ADAMTS9: variants seen among roughly 807,000 people sequenced by gnomAD.
ADAMTS9 encodes A disintegrin and metalloproteinase with thrombospondin motifs 9.
In ADAMTS9, 107 loss-of-function variants were observed where a neutral mutation model predicts 257.1. That is an observed-to-expected ratio of 0.42 (90% CI 0.36 to 0.49). The LOEUF (loss-of-function observed/expected upper bound fraction) is 0.49. Among genes scored for constraint, ADAMTS9 ranks in the 20% least tolerant of loss-of-function variants. The pLI is 0.03. For synonymous variants in ADAMTS9, 982 were observed against 880.9 expected, an observed-to-expected ratio of 1.11 and a Z score of -2.03; for missense variants, 2,353 against 2,469.1, an observed-to-expected ratio of 0.95 and a Z score of 1.00.
chr3:64,611,750 A>C (rs4128220), intron 22 of ADAMTS9, among the ~76,000 whole-genome samples: 2,041 of 152,160 alleles, frequency 0.013, 53 homozygotes, highest in African/African-American at 0.046. Context: ...CTTATCCACC[A>C]CTCAACTGTT....
In ADAMTS9 at chr3:64,687,044, C is replaced by G; in HGVS notation, c.116-76G>C. On this transcript the variant is annotated intron_variant, in intron 1 of 39. Coordinates refer to ENST00000498707, the MANE Select transcript of ADAMTS9 (RefSeq NM_182920.2). The surrounding 1 kb of genome is among the most constrained non-coding windows in gnomAD (Gnocchi z 4.4). The stretch of plus-strand genomic sequence containing the variant: ...CTTTAATTTAAAACGAAGGTGGGGA[C>G]TTTGTTCTGACCTTATTTTCCAGCC... The G allele has an allele frequency of 6.6e-7, 1 of 1,515,564 alleles. No individual in the cohort carries two copies. 93.9% of individuals were successfully genotyped at this position (1,515,564 alleles called of 1,614,324 possible). A position where few individuals can be genotyped will look rare whatever the true frequency, so the allele number is the denominator to read the frequency against.
At chr3:64,590,521 C>G (rs1422274820) in intron 28 of ADAMTS9, among the ~76,000 whole-genome samples, 1 of 152,060 alleles carries the variant, frequency 6.6e-6, no homozygotes, top group African/African-American at 2.4e-5. Flanking sequence ...TCAGAAAATT[C>G]TAGGTGTGGC....
intron 26 of ADAMTS9, 63 bp from the exon 27 acceptor site, chr3:64,597,054 G>A (rs1011095308): frequency 6.3e-7 from 1 of 1,594,848 alleles, no homozygotes; most frequent in African/African-American, 1.3e-5. Context: ...CACAGAAGCA[G>A]CTGGTTGAAA....
At chr3:64,670,720 C>A (rs189114184) in intron 3 of ADAMTS9, among the ~76,000 whole-genome samples, 1 of 152,082 alleles carries the variant, frequency 6.6e-6, no homozygotes, top group Admixed American at 6.6e-5. Context: ...CTTGAACAGA[C>A]GCTTCACCAA....
chr3:64,657,711 A>G (rs1192816155), intron 4 of ADAMTS9, among the ~76,000 whole-genome samples: 3 of 152,120 alleles, frequency 2.0e-5, no homozygotes, highest in Non-Finnish European at 4.4e-5. Context: ...TAATTTAAAT[A>G]CATTTGAAAT....
chr3:64,523,332 T>C (rs1377837170), intron 38 of ADAMTS9, among the ~76,000 whole-genome samples: 2 of 152,216 alleles, frequency 1.3e-5, no homozygotes, highest in Non-Finnish European at 2.9e-5. Context: ...ATCATTTCTT[T>C]GAGGAGAAAA....
chr3:64,642,122 A>C, intron 11 of ADAMTS9, 129 bp from the exon 12 acceptor site: 1 of 1,029,194 alleles, frequency 9.7e-7, no homozygotes, highest in Non-Finnish European at 1.4e-6. Flanking sequence ...CAGGTTCATC[A>C]TCTATATGAA....
intron 3 of ADAMTS9, among the ~76,000 whole-genome samples, chr3:64,669,426 C>T (rs1227508631): frequency 2.6e-5 from 4 of 152,068 alleles, no homozygotes; most frequent in Non-Finnish European, 5.9e-5. Flanking sequence ...AAGTAAGAGG[C>T]CTGTGTTCAA....
chr3:64,596,240 C>G (rs761389234), intron 27 of ADAMTS9, among the ~76,000 whole-genome samples: 3 of 152,182 alleles, frequency 2.0e-5, no homozygotes, highest in Admixed American at 1.3e-4. Context: ...GAGCTGAGAA[C>G]AGGACACGGT....
intron 3 of ADAMTS9, among the ~76,000 whole-genome samples, chr3:64,680,284 C>T (rs1170409644): frequency 3.3e-5 from 5 of 152,104 alleles, no homozygotes; most frequent in Admixed American, 2.6e-4. Flanking sequence ...CCCTGAGATG[C>T]TATTTAATTT....
chr3:64,599,399 T>G (rs879072691), intron 26 of ADAMTS9, among the ~76,000 whole-genome samples: 1 of 152,200 alleles, frequency 6.6e-6, no homozygotes, highest in Admixed American at 6.5e-5. Context: ...GTACTTGAAA[T>G]TTGTCATCCA....
chr3:64,545,043 CA>C (rs1185065376), intron 32 of ADAMTS9, among the ~76,000 whole-genome samples: 1 of 152,096 alleles, frequency 6.6e-6, no homozygotes, highest in Non-Finnish European at 1.5e-5. Context: ...AAAGGCAAAT[CA>C]AAACCACAAT....
intron 28 of ADAMTS9, among the ~76,000 whole-genome samples, chr3:64,578,725 C>T (rs1354421704): frequency 2.0e-5 from 3 of 152,202 alleles, no homozygotes; most frequent in Admixed American, 6.5e-5. Context: ...CCATTTTAAT[C>T]GGTGGCAACT....
Position 64,568,639 on chromosome 3 carries a change from A to C in ADAMTS9, c.4357-104T>G, listed in dbSNP as rs529957386. 9 of 1,343,468 alleles carry C rather than the reference A, an allele frequency of 6.7e-6. No individual in the cohort carries two copies. The East Asian group carries it at 2.1e-4, about 32-fold the overall frequency. 83.2% of individuals were successfully genotyped at this position (1,343,468 alleles called of 1,614,324 possible). On this transcript the variant is annotated intron_variant, in intron 28 of 39. Transcript: ENST00000498707. ...GTTAAGACAATGCCTAACAAGAGTTACCATTCCCCTCTTTTACAGCGCCAG... is the reference window on the plus strand; with the variant it reads ...GTTAAGACAATGCCTAACAAGAGTTCCCATTCCCCTCTTTTACAGCGCCAG...
chr3:64,685,845 C>G (rs1701890326), intron 2 of ADAMTS9, among the ~76,000 whole-genome samples: 1 of 152,106 alleles, frequency 6.6e-6, no homozygotes, highest in Admixed American at 6.5e-5. Flanking sequence ...TCCCACTATC[C>G]CGTTTCTCCC....
In ADAMTS9 at chr3:64,613,437, C is replaced by T; in HGVS notation, c.3262G>A (p.Asp1088Asn). The T allele has an allele frequency of 1.2e-6, 2 of 1,614,042 alleles. No individual in the cohort carries two copies. Among genetic ancestry groups the T allele is most frequent in the Admixed American group, 3.3e-5 (2 of 60,022 alleles). The change falls in exon 22 of 40, where the codon GAT becomes AAT. Residue 1088 changes from aspartate (D) to asparagine (N), a missense_variant. This residue lies in a region of ADAMTS9 where 1,402 missense variants were observed against 1,441.4 expected (regional missense o/e 0.97). Coordinates refer to ENST00000498707, the MANE Select transcript of ADAMTS9 (RefSeq NM_182920.2). ...WCQFGEDRLN[D>N]RMCDPETKPT... ...TTGGTCTCAGGGTCACACATTCTAT[C>T]ATTTAATCGATCTTCACCAAACTGA... is the stretch of plus-strand genomic sequence containing the variant.
At chr3:64,570,695 CAAAAAAAAAAAAAAA>C (rs143048322) in intron 28 of ADAMTS9, among the ~76,000 whole-genome samples, 1 of 47,072 alleles carries the variant, frequency 2.1e-5, no homozygotes, top group South Asian at 1.2e-3. Context: ...GACTCCGTCT[CAAAAAAAAAAAAAAA>C]AAAAAAAAAA....
chr3:64,542,430 C>CTTTCTT (rs56347750), intron 32 of ADAMTS9, among the ~76,000 whole-genome samples: 79,754 of 124,384 alleles, frequency 0.64, 29,899 homozygotes, highest in Non-Finnish European at 0.84. Context: ...TTCTTTCTTT[C>CTTTCTT]TTTTTTTTTT....
At chr3:64,657,499 T>C (rs1701106422) in intron 4 of ADAMTS9, among the ~76,000 whole-genome samples, 1 of 137,840 alleles carries the variant, frequency 7.3e-6, no homozygotes, top group Non-Finnish European at 1.6e-5. Context: ...CCACTACACC[T>C]GGCTAATTGG....
Sources: gnomAD v4.1 joint callset for allele counts (sites outside exome capture counted in the v4.1 genomes callset) on GRCh38, gnomAD v4.1.1 for gene constraint, gnomAD v4.1.1 regional missense constraint, Gnocchi (gnomAD v3.1) non-coding constraint, MANE v1.5 for transcripts, NCBI Gene and HGNC (gene_info 2026-07-23, HGNC 2026-07-21) for gene names.